Variants in COL4A1 observed in about 807,000 individuals in gnomAD.
The protein encoded by COL4A1 is collagen type IV alpha 1 chain.
In COL4A1, 40 loss-of-function variants were observed where a neutral mutation model predicts 216.6. The ratio of observed to expected loss-of-function variants is 0.18; its 90% confidence interval spans 0.14 to 0.24. The LOEUF (loss-of-function observed/expected upper bound fraction) is 0.24, where lower values mean the gene tolerates loss of function less well. Among genes scored for constraint, COL4A1 ranks in the 10% least tolerant of loss-of-function variants. The pLI is 1.00. For missense variants in COL4A1, 1,628 were observed against 2,196.8 expected, an observed-to-expected ratio of 0.74 and a Z score of 5.18; for synonymous variants, 839 against 810.7, an observed-to-expected ratio of 1.03 and a Z score of -0.59.
intron 42 of COL4A1, among the ~76,000 whole-genome samples, chr13:110,170,125 G>GGAAAGAAGGAAGGAAA (rs1566346601): frequency 3.9e-5 from 1 of 25,722 alleles, no homozygotes; most frequent in African/African-American, 7.5e-5. Flanking sequence ...AAGGAAGGAA[G>GGAAAGAAGGAAGGAAA]GAAGGAAGGA....
chr13:110,177,903 C>A lies in COL4A1; in HGVS notation c.2655G>T (p.Gly885=). 1.2e-6 allele frequency: 2 copies of A among 1,614,136 alleles called. No individual in the cohort carries two copies. The highest frequency in any genetic ancestry group is 1.3e-5 in the African/African-American group (1 of 75,034). Residue 885 remains glycine, a synonymous_variant, in exon 33 of 52, where the codon GGG becomes GGT. Transcript: ENST00000375820. ...CTGGTGAGCCCGGCTGCCCGGGGGT[C>A]CCCATGACGCCCATTTCTCCCTTGG... ...PGSKGEMGVM[G]TPGQPGSPGP...
chr13:110,216,472 C>G (rs1228372996), intron 2 of COL4A1, among the ~76,000 whole-genome samples: 1 of 152,134 alleles, frequency 6.6e-6, no homozygotes, highest in Non-Finnish European at 1.5e-5. Flanking sequence ...CAACATCAGA[C>G]AGGAAGGAAA....
chr13:110,293,879 C>T (rs565222828), intron 1 of COL4A1, among the ~76,000 whole-genome samples: 1 of 152,302 alleles, frequency 6.6e-6, no homozygotes, highest in East Asian at 1.9e-4. Context: ...AGAACTTTGA[C>T]CTGCGTTTCC....
At chr13:110,276,937 C>T (rs765527373) in intron 1 of COL4A1, among the ~76,000 whole-genome samples, 7 of 152,142 alleles carry the variant, frequency 4.6e-5, no homozygotes, top group Non-Finnish European at 8.8e-5. Flanking sequence ...AAATTGAGGC[C>T]CCAGGCTTCT....
chr13:110,160,443 C>T (rs1356445111), intron 49 of COL4A1, among the ~76,000 whole-genome samples: 1 of 74,174 alleles, frequency 1.3e-5, no homozygotes, highest in East Asian at 7.0e-4. Context: ...GAGCGAGACT[C>T]CGTCTCAAAA....
chr13:110,189,379 G>A (rs999086745), intron 24 of COL4A1, among the ~76,000 whole-genome samples: 2 of 152,216 alleles, frequency 1.3e-5, no homozygotes, highest in Non-Finnish European at 2.9e-5. Flanking sequence ...GCATTTCAAA[G>A]ACTCAACAGC....
intron 51 of COL4A1, 66 bp downstream of exon 51, chr13:110,152,268 C>G (rs1171598867): frequency 6.3e-7 from 1 of 1,599,476 alleles, no homozygotes; most frequent in East Asian, 2.2e-5. Context: ...TTACGGATCG[C>G]GGATGATTAA....
intron 20 of COL4A1, among the ~76,000 whole-genome samples, chr13:110,199,639 G>C (rs1879081586): frequency 6.6e-6 from 1 of 152,192 alleles, no homozygotes; most frequent in East Asian, 1.9e-4. Flanking sequence ...GCTGGGGGCG[G>C]GCAGAGGCAA....
intron 2 of COL4A1, among the ~76,000 whole-genome samples, chr13:110,237,718 C>T (rs905491238): frequency 6.6e-6 from 1 of 152,196 alleles, no homozygotes; most frequent in African/African-American, 2.4e-5. Context: ...CTATCCTAGC[C>T]TAGATCCGTT....
At chr13:110,242,314 G>A (rs1881603483) in intron 2 of COL4A1, among the ~76,000 whole-genome samples, 1 of 152,190 alleles carries the variant, frequency 6.6e-6, no homozygotes. Context: ...TCCTCAAGTA[G>A]AATAGGAACT....
chr13:110,173,380 A>G (rs1333023502), intron 40 of COL4A1, among the ~76,000 whole-genome samples: 1 of 152,080 alleles, frequency 6.6e-6, no homozygotes, highest in Non-Finnish European at 1.5e-5. Flanking sequence ...TGGTGTGTTT[A>G]TCTCTCTCTT....
intron 1 of COL4A1, among the ~76,000 whole-genome samples, chr13:110,257,254 G>A (rs532378138): frequency 6.6e-6 from 1 of 152,074 alleles, no homozygotes; most frequent in African/African-American, 2.4e-5. Context: ...ACAGAATAAC[G>A]AACATGTGGA....
chr13:110,258,367 A>G (rs7992790), intron 1 of COL4A1, among the ~76,000 whole-genome samples: 126,965 of 152,100 alleles, frequency 0.83, 53,357 homozygotes, highest in African/African-American at 0.93. Context: ...GTAAAATCCC[A>G]TCTCTACTAA....
At chr13:110,164,802 ACT>A in intron 46 of COL4A1, 58 bp downstream of exon 46, 1 of 1,598,082 alleles carries the variant, frequency 6.3e-7, no homozygotes, top group South Asian at 1.1e-5. Flanking sequence ...GTGAGGAGGA[ACT>A]CTGACCACTG....
intron 31 of COL4A1, among the ~76,000 whole-genome samples, chr13:110,178,593 C>T (rs1421988900): frequency 6.6e-6 from 1 of 152,096 alleles, no homozygotes; most frequent in Admixed American, 6.5e-5. Flanking sequence ...GACATGGACT[C>T]AATTAGTTGA....
At chr13:110,241,884 A>T (rs1035272755) in intron 2 of COL4A1, among the ~76,000 whole-genome samples, 6 of 152,198 alleles carry the variant, frequency 3.9e-5, no homozygotes, top group African/African-American at 1.4e-4. Context: ...AGCTTTCTGG[A>T]AACAGTATCC....
At chr13:110,215,498 T>C (rs1239628162) in intron 2 of COL4A1, among the ~76,000 whole-genome samples, 5 of 150,892 alleles carry the variant, frequency 3.3e-5, no homozygotes, top group African/African-American at 9.7e-5. Flanking sequence ...GAGGCAGAGG[T>C]TGCAGAGAGC....
intron 2 of COL4A1, among the ~76,000 whole-genome samples, chr13:110,241,830 G>A (rs1011384915): frequency 9.2e-5 from 14 of 152,208 alleles, no homozygotes; most frequent in Non-Finnish European, 2.1e-4. Context: ...TGGCATGCCG[G>A]GGAGGGAAGT....
At position 110,268,699 on chromosome 13, in the gene COL4A1, A is replaced by AC. The variant is rs963179102; in HGVS notation, c.85-25966dup. On this transcript the variant is annotated intron_variant, in intron 1 of 51. Coordinates refer to ENST00000375820, the MANE Select transcript of COL4A1 (RefSeq NM_001845.6). This position sits in a 1 kb window ranked among gnomAD's most constrained non-coding sequence, Gnocchi z 4.1. ...TCCAAACCCGGGTGCCTTGTCCATG[A>AC]CCCCATGTGGGAATGACACCTGCCT... Among the ~76,000 whole-genome samples, 1 of 151,972 alleles carries AC rather than the reference A, an allele frequency of 6.6e-6. No homozygotes were observed.
Sources: gnomAD v4.1 joint callset for allele counts (sites outside exome capture counted in the v4.1 genomes callset) on GRCh38, gnomAD v4.1.1 for gene constraint, Gnocchi (gnomAD v3.1) non-coding constraint, MANE v1.5 for transcripts, NCBI Gene and HGNC (gene_info 2026-07-23, HGNC 2026-07-21) for gene names.